PCGF3: variants seen among roughly 807,000 people sequenced by gnomAD.
The protein encoded by PCGF3 is polycomb group ring finger 3, also known as polycomb group RING finger protein 3.
Under a neutral mutation model 33.1 loss-of-function variants are expected in PCGF3, and 7 were observed. That is an observed-to-expected ratio of 0.21 (90% confidence interval 0.12 to 0.40). The LOEUF (loss-of-function observed/expected upper bound fraction) is 0.40. Among genes scored for constraint, PCGF3 ranks in the 10% least tolerant of loss-of-function variants. The probability of loss-of-function intolerance (pLI) is 1.00; values close to 1 mark genes in which losing one functional copy is unlikely to be tolerated. For missense variants in PCGF3, 211 were observed against 313.3 expected (o/e 0.67, Z 2.46); for synonymous variants, 153 against 121.3 (o/e 1.26, Z -1.72).
intron 1 of PCGF3, among the ~76,000 whole-genome samples, chr4:711,769 T>A (rs1742581237): frequency 6.6e-6 from 1 of 152,058 alleles, no homozygotes; most frequent in Non-Finnish European, 1.5e-5. Flanking sequence ...AAATGTAATT[T>A]TTCTACAGAA....
At chr4:767,943 G>C (rs1376432200) in exon 11 of PCGF3, 2 of 152,624 alleles carry the variant, frequency 1.3e-5, no homozygotes, top group East Asian at 1.9e-4. Context: ...TTAGAACTTA[G>C]GCATTTTCCT....
chr4:765,095 G>GA, intron 10 of PCGF3, 31 bp downstream of exon 10: 6 of 1,423,348 alleles, frequency 4.2e-6, no homozygotes, highest in Non-Finnish European at 5.0e-6. Context: ...TTCAGAGTCT[G>GA]CTCTGAATGG....
At chr4:764,801 A>G (rs563350904) in intron 9 of PCGF3, 183 bp from the exon 10 acceptor site, 567 of 575,088 alleles carry the variant, frequency 9.9e-4, no homozygotes, top group Non-Finnish European at 1.4e-3. Flanking sequence ...TAGGGACCAC[A>G]CTCCATCTCT....
chr4:734,044 C>A (rs923796528), intron 4 of PCGF3: 5 of 1,550,704 alleles, frequency 3.2e-6, no homozygotes, highest in Admixed American at 3.9e-5. Context: ...ATTCCTCCCA[C>A]GGAGCAGCAA....
At chr4:766,177 G>A in exon 11 of PCGF3, 1 of 927,334 alleles carries the variant, frequency 1.1e-6, no homozygotes, top group Non-Finnish European at 1.7e-6. Flanking sequence ...ATGTGGACCA[G>A]ACTTCTGAAT....
exon 11 of PCGF3, chr4:766,331 G>A (rs1368442000): frequency 9.2e-6 from 4 of 435,332 alleles, no homozygotes; most frequent in Non-Finnish European, 1.7e-5. Context: ...CTTCAGCCTT[G>A]CAGGGAGAGT....
At chr4:734,344 C>G in intron 4 of PCGF3, 1 of 1,433,992 alleles carries the variant, frequency 7.0e-7, no homozygotes. Flanking sequence ...TGTGGACGAC[C>G]GCTGTGTGCG....
At chr4:763,411 C>T (rs1390413205) in intron 9 of PCGF3, among the ~76,000 whole-genome samples, 2 of 152,094 alleles carry the variant, frequency 1.3e-5, no homozygotes, top group Non-Finnish European at 2.9e-5. Flanking sequence ...TTAACCGTGC[C>T]TCTGAGCCCC....
chr4:756,584 C>G (rs1744778803), intron 8 of PCGF3, among the ~76,000 whole-genome samples: 1 of 152,018 alleles, frequency 6.6e-6, no homozygotes, highest in Non-Finnish European at 1.5e-5. Flanking sequence ...TAAAATAATT[C>G]TAGAATTTTC....
chr4:710,932 G>C (rs1560193909), intron 1 of PCGF3, among the ~76,000 whole-genome samples: 1 of 152,256 alleles, frequency 6.6e-6, no homozygotes, highest in Non-Finnish European at 1.5e-5. Context: ...TGGGGGAAAT[G>C]TTTTTACCAG....
rs1240181472 is a variant in PCGF3, at chr4:721,298, C to T, written c.-189-9332C>T. ...AGCTGTTTTCTGGAAAGTTCCATAACTCAGCAAAACTGACTCACAAACAAC... is the reference window on the plus strand; with the variant it reads ...AGCTGTTTTCTGGAAAGTTCCATAATTCAGCAAAACTGACTCACAAACAAC... On this transcript the variant is annotated intron_variant, in intron 1 of 10. Transcript: ENST00000362003. The surrounding 1 kb of genome is among the most constrained non-coding windows in gnomAD (Gnocchi z 4.1). Among the ~76,000 whole-genome samples, 1 of 152,208 alleles carries T rather than the reference C, an allele frequency of 6.6e-6. No homozygotes were observed. Among genetic ancestry groups the T allele is most frequent in the Non-Finnish European group, 1.5e-5 (1 of 68,018 alleles).
chr4:748,475 C>T lies in PCGF3; in HGVS notation c.462+3787C>T, dbSNP rs190440893. ...TGCTGGGGTTACAGGCATGAGCCAC[C>T]GCGCCCAGCCAAGTAACGGAACCTT... On this transcript the variant is annotated intron_variant, in intron 8 of 10. Transcript: ENST00000362003. 3.0e-3 allele frequency among the ~76,000 whole-genome samples: 460 copies of T among 152,310 alleles called. 3 individuals carry two copies. Among genetic ancestry groups the T allele is most frequent in the African/African-American group, 0.01 (423 of 41,572 alleles).
chr4:706,454 C>A (rs113545513), intron 1 of PCGF3, among the ~76,000 whole-genome samples: 1 of 135,090 alleles, frequency 7.4e-6, no homozygotes, highest in African/African-American at 2.7e-5. Context: ...CAGGCAGGAC[C>A]CAGGGAGGGC....
chr4:753,437 A>G (rs1376418402), intron 8 of PCGF3, among the ~76,000 whole-genome samples: 2 of 150,862 alleles, frequency 1.3e-5, no homozygotes, highest in Non-Finnish European at 3.0e-5. Flanking sequence ...GGCGGATCAC[A>G]AGGTCAGGAG....
rs190450142 is a variant in PCGF3 at position 726,364 on chromosome 4, C to A, written c.-189-4266C>A. ...TCCCTCCAACGAGCAGCGCTGTGTG[C>A]TGGGAGCAGGCCCTGCGGGGGCCAG... On this transcript the variant is annotated intron_variant, in intron 1 of 10. Transcript: ENST00000362003. Among the ~76,000 whole-genome samples, 129 of 152,360 alleles carry A rather than the reference C, an allele frequency of 8.5e-4. 1 individual carries two copies. The highest frequency in any genetic ancestry group is 4.4e-3 in the Admixed American group (67 of 15,306).
intron 8 of PCGF3, among the ~76,000 whole-genome samples, chr4:750,751 G>C (rs936599712): frequency 1.3e-5 from 2 of 152,070 alleles, no homozygotes; most frequent in African/African-American, 4.8e-5. Context: ...GTAACCTCGC[G>C]GTGTTGCTTA....
intron 8 of PCGF3, among the ~76,000 whole-genome samples, chr4:749,079 C>G (rs1280626680): frequency 6.6e-6 from 1 of 152,206 alleles, no homozygotes. Context: ...CTAATATTTA[C>G]CTTTTCTTTT....
chr4:752,994 T>C (rs1433672145), intron 8 of PCGF3, among the ~76,000 whole-genome samples: 1 of 152,068 alleles, frequency 6.6e-6, no homozygotes, highest in African/African-American at 2.4e-5. Context: ...ACCACAAAGG[T>C]TTGTGTTTGA....
intron 3 of PCGF3, 146 bp from the exon 4 acceptor site, chr4:733,526 C>T (rs1743704910): frequency 8.2e-6 from 6 of 730,150 alleles, no homozygotes; most frequent in South Asian, 7.4e-5. Flanking sequence ...CACATGGGAG[C>T]CTGGGACCCC....
Sources: gnomAD v4.1 joint callset for allele counts (sites outside exome capture counted in the v4.1 genomes callset) on GRCh38, gnomAD v4.1.1 for gene constraint, Gnocchi (gnomAD v3.1) non-coding constraint, MANE v1.5 for transcripts, NCBI Gene and HGNC (gene_info 2026-07-23, HGNC 2026-07-21) for gene names.